The following SNTG1 variants were observed in gnomAD, a reference collection of about 807,000 sequenced individuals.
The protein encoded by SNTG1 is syntrophin gamma 1.
SNTG1 carries 39 observed loss-of-function variants against 74.7 expected under a neutral mutation model. The ratio of observed to expected loss-of-function variants is 0.52; its 90% CI spans 0.40 to 0.68. The LOEUF is 0.68. Ranked by LOEUF, SNTG1 falls within the 30% of genes least tolerant of loss-of-function variation. SNTG1 has a pLI of 0.00. For synonymous variants in SNTG1, 254 were observed against 217.1 expected, an observed-to-expected ratio of 1.17 and a Z score of -1.49; for missense variants, 685 against 609.5, an observed-to-expected ratio of 1.12 and a Z score of -1.30.
At chr8:50,684,170 A>C (rs372135110) in intron 15 of SNTG1, among the ~76,000 whole-genome samples, 1 of 152,216 alleles carries the variant, frequency 6.6e-6, no homozygotes, top group African/African-American at 2.4e-5. Context: ...CCACTTACAT[A>C]AACAAGTAGT....
intron 1 of SNTG1, among the ~76,000 whole-genome samples, chr8:49,997,073 C>T (rs1319722219): frequency 6.6e-6 from 1 of 152,022 alleles, no homozygotes; most frequent in Non-Finnish European, 1.5e-5. Context: ...TTACTTTGTC[C>T]TTTGAGAATA....
intron 4 of SNTG1, among the ~76,000 whole-genome samples, chr8:50,410,913 A>G (rs79108714): frequency 0.045 from 6,822 of 152,284 alleles, 209 homozygotes; most frequent in Middle Eastern, 0.075. Context: ...GTTGATAGAC[A>G]CTTAGGTTGT....
chr8:50,657,861 T>C (rs2095193314), intron 14 of SNTG1, among the ~76,000 whole-genome samples: 1 of 152,128 alleles, frequency 6.6e-6, no homozygotes, highest in Non-Finnish European at 1.5e-5. Flanking sequence ...TGGAAACATG[T>C]ACCTTGCAGC....
intron 1 of SNTG1, among the ~76,000 whole-genome samples, chr8:49,941,538 T>C (rs547897313): frequency 6.7e-6 from 1 of 148,736 alleles, no homozygotes; most frequent in South Asian, 2.1e-4. Context: ...CTTTTATATA[T>C]ATATATATAT....
At chr8:49,938,258 G>A (rs1808266976) in intron 1 of SNTG1, among the ~76,000 whole-genome samples, 1 of 152,132 alleles carries the variant, frequency 6.6e-6, no homozygotes, top group Non-Finnish European at 1.5e-5. Context: ...TATGATCATT[G>A]CCCATGATGT....
chr8:50,787,495 A>T (rs975879935), intron 18 of SNTG1, among the ~76,000 whole-genome samples: 6 of 151,930 alleles, frequency 3.9e-5, no homozygotes, highest in Non-Finnish European at 5.9e-5. Flanking sequence ...CCACTTCTAG[A>T]TATATTCAAG....
At chr8:50,458,624 T>TA (rs200726885) in intron 8 of SNTG1, among the ~76,000 whole-genome samples, 16 of 151,256 alleles carry the variant, frequency 1.1e-4, no homozygotes, top group Admixed American at 3.3e-4. Context: ...CACTACCAAT[T>TA]AAAAAAAAAT....
At chr8:50,772,233 C>T (rs1259768513) in intron 18 of SNTG1, among the ~76,000 whole-genome samples, 1 of 152,098 alleles carries the variant, frequency 6.6e-6, no homozygotes, top group Admixed American at 6.6e-5. Context: ...GTGTGACACT[C>T]AACAAAGCCA....
At chr8:50,280,615 A>T (rs770813153) in intron 2 of SNTG1, among the ~76,000 whole-genome samples, 9 of 152,126 alleles carry the variant, frequency 5.9e-5, no homozygotes, top group Non-Finnish European at 1.3e-4. Flanking sequence ...CAACTTGAAG[A>T]GGGGGTGCTT....
chr8:50,249,099 T>A (rs2086528974), intron 2 of SNTG1, among the ~76,000 whole-genome samples: 1 of 152,024 alleles, frequency 6.6e-6, no homozygotes, highest in African/African-American at 2.4e-5. Flanking sequence ...AACCTCTTCC[T>A]ACAAGGAAAA....
chr8:50,050,545 T>A (rs1029340644), intron 1 of SNTG1, among the ~76,000 whole-genome samples: 1 of 152,072 alleles, frequency 6.6e-6, no homozygotes, highest in African/African-American at 2.4e-5. Context: ...GATTGAATTA[T>A]AAGTAAAAAC....
At chr8:50,677,485 C>A (rs977590090) in intron 15 of SNTG1, among the ~76,000 whole-genome samples, 4 of 151,830 alleles carry the variant, frequency 2.6e-5, no homozygotes, top group Non-Finnish European at 5.9e-5. Flanking sequence ...AAGGATTCAT[C>A]CCTTAGAATG....
intron 12 of SNTG1, among the ~76,000 whole-genome samples, chr8:50,569,410 A>G (rs1003210259): frequency 7.2e-5 from 11 of 151,826 alleles, no homozygotes; most frequent in African/African-American, 2.7e-4. Context: ...AAAAAAAAAA[A>G]CTGTTTGGAA....
chr8:50,738,886 T>G (rs1434695925), intron 17 of SNTG1, among the ~76,000 whole-genome samples: 3 of 152,022 alleles, frequency 2.0e-5, no homozygotes, highest in Non-Finnish European at 2.9e-5. Context: ...CTGGACCCCC[T>G]TTTTACACCT....
intron 17 of SNTG1, among the ~76,000 whole-genome samples, chr8:50,733,910 T>C (rs2095519169): frequency 6.6e-6 from 1 of 151,862 alleles, no homozygotes; most frequent in Admixed American, 6.6e-5. Context: ...ATTTGTAATT[T>C]CTTATTACTG....
chr8:50,026,174 T>C (rs1817245906), intron 1 of SNTG1, among the ~76,000 whole-genome samples: 1 of 152,222 alleles, frequency 6.6e-6, no homozygotes, highest in Non-Finnish European at 1.5e-5. Context: ...AGCTATATTG[T>C]TACCAAGCTC....
At chr8:50,394,674 T>C (rs1351047225) in intron 3 of SNTG1, among the ~76,000 whole-genome samples, 2 of 152,142 alleles carry the variant, frequency 1.3e-5, no homozygotes, top group Admixed American at 6.5e-5. Context: ...ATTTAAGTAT[T>C]AATACACAAG....
chr8:50,347,951 A>C (rs577661947), intron 2 of SNTG1, among the ~76,000 whole-genome samples: 1 of 152,322 alleles, frequency 6.6e-6, no homozygotes, highest in South Asian at 2.1e-4. Flanking sequence ...TATATGATAT[A>C]ATGTTACAGG....
intron 11 of SNTG1, among the ~76,000 whole-genome samples, chr8:50,542,852 C>A (rs1186810097): frequency 1.3e-5 from 2 of 152,096 alleles, no homozygotes; most frequent in Non-Finnish European, 2.9e-5. Flanking sequence ...TGATATTGAG[C>A]AATTTTTCAT....
Sources: allele counts gnomAD v4.1 joint callset (sites outside exome capture counted in the v4.1 genomes callset), GRCh38; gene constraint gnomAD v4.1.1; transcripts MANE v1.5; gene names NCBI Gene and HGNC (gene_info 2026-07-23, HGNC 2026-07-21).